Variants in CDH9 observed in about 807,000 individuals in gnomAD.
CDH9 encodes cadherin-9.
CDH9 carries 28 observed loss-of-function variants against 70.9 expected under a neutral mutation model. The ratio of observed to expected loss-of-function variants is 0.40; its 90% CI spans 0.29 to 0.54. The LOEUF (loss-of-function observed/expected upper bound fraction) is 0.54, where lower values mean the gene tolerates loss of function less well. Among genes scored for constraint, CDH9 ranks in the 20% least tolerant of loss-of-function variants. CDH9 has a pLI of 0.59. For missense variants in CDH9, 874 were observed against 984.4 expected (o/e 0.89, Z 1.50); for synonymous variants, 409 against 343.1 (o/e 1.19, Z -2.12).
intron 2 of CDH9, among the ~76,000 whole-genome samples, chr5:26,957,117 T>G (rs367919274): frequency 6.6e-6 from 1 of 151,732 alleles, no homozygotes; most frequent in African/African-American, 2.4e-5. Context: ...TATGATAGAA[T>G]ATACCCCTGA....
At chr5:26,964,186 CTGAT>C (rs1742088346) in intron 2 of CDH9, among the ~76,000 whole-genome samples, 1 of 151,696 alleles carries the variant, frequency 6.6e-6, no homozygotes, top group South Asian at 2.1e-4. Context: ...AGACTCTATG[CTGAT>C]TAATACACAC....
intron 1 of CDH9, among the ~76,000 whole-genome samples, chr5:27,036,010 T>C (rs1561048775): frequency 2.0e-5 from 3 of 151,814 alleles, no homozygotes; most frequent in Admixed American, 1.3e-4. Flanking sequence ...TCACCTTAAT[T>C]TATACTTTCT....
intron 2 of CDH9, among the ~76,000 whole-genome samples, chr5:26,975,782 A>G (rs1000473240): frequency 6.6e-6 from 1 of 152,232 alleles, no homozygotes; most frequent in Non-Finnish European, 1.5e-5. Flanking sequence ...TAAGCTTCTT[A>G]TAGCCTATAT....
Position 27,035,989 on chromosome 5 carries a change from A to T in CDH9, c.-50+2474T>A, listed in dbSNP as rs542497852. Among the ~76,000 whole-genome samples, 188 of 151,970 alleles carry T rather than the reference A, an allele frequency of 1.2e-3. 1 individual carries two copies. Among genetic ancestry groups the T allele is most frequent in the Middle Eastern group, 3.4e-3 (1 of 294 alleles). On this transcript the variant is annotated intron_variant, in intron 1 of 11. Coordinates refer to ENST00000231021, the MANE Select transcript of CDH9 (RefSeq NM_016279.4). ...TCATGACACATTCACACATATTTTTAAAATTAACTTTCACCTTAATTTATA... is the reference window on the plus strand; with the variant it reads ...TCATGACACATTCACACATATTTTTTAAATTAACTTTCACCTTAATTTATA...
At position 26,893,538 on chromosome 5, in the gene CDH9, G is replaced by A. The variant is rs559113142; in HGVS notation, c.1254-2974C>T. 4.7e-4 allele frequency among the ~76,000 whole-genome samples: 71 copies of A among 152,080 alleles called. 2 individuals carry two copies. The South Asian group carries it at 9.8e-3, about 21-fold the overall frequency. ...CACATGGTGTTATGAAAAGAATTTA[G>A]GCACTTAAAATACACTCATTTGACA... On this transcript the variant is annotated intron_variant, in intron 7 of 11. Transcript: ENST00000231021.
chr5:26,961,549 C>A (rs1365965027), intron 2 of CDH9, among the ~76,000 whole-genome samples: 3 of 152,218 alleles, frequency 2.0e-5, no homozygotes, highest in African/African-American at 7.2e-5. Context: ...AAGTCCTCTT[C>A]ATTAGCTAAA....
At chr5:27,017,432 A>AT (rs5866815) in intron 1 of CDH9, among the ~76,000 whole-genome samples, 78,943 of 151,476 alleles carry the variant, frequency 0.52, 22,060 homozygotes, top group African/African-American at 0.68. Flanking sequence ...GTCCACTGAA[A>AT]TTTTTTTTGG....
rs539160860 is a variant in CDH9, at chr5:26,906,854, A to C, written c.524-16T>G. On this transcript the variant is annotated splice_polypyrimidine_tract_variant and intron_variant, in intron 3 of 11. Transcript: ENST00000231021. ...ACAGATGTACCTACATGAAACCCCC[A>C]TCCCCAAACAGAGACATTTACATAC... The C allele has an allele frequency of 6.3e-7, 1 of 1,585,504 alleles. No individual in the cohort carries two copies. Among genetic ancestry groups the C allele is most frequent in the Non-Finnish European group, 8.6e-7 (1 of 1,162,690 alleles).
chr5:26,923,934 CTT>C (rs1194539644), intron 2 of CDH9, among the ~76,000 whole-genome samples: 1 of 151,858 alleles, frequency 6.6e-6, no homozygotes, highest in Non-Finnish European at 1.5e-5. Context: ...GCAATAAGCA[CTT>C]ATATCAAAAA....
At chr5:26,897,623 T>C (rs924397245) in intron 7 of CDH9, among the ~76,000 whole-genome samples, 23 of 152,132 alleles carry the variant, frequency 1.5e-4, no homozygotes, top group African/African-American at 5.3e-4. Flanking sequence ...CAACACCCTT[T>C]CATGCTATAA....
chr5:26,917,461 G>A (rs1382756115), intron 2 of CDH9, among the ~76,000 whole-genome samples: 1 of 151,968 alleles, frequency 6.6e-6, no homozygotes, highest in East Asian at 1.9e-4. Context: ...CCCCTGTTAT[G>A]TTGACTTACA....
intron 3 of CDH9, among the ~76,000 whole-genome samples, chr5:26,910,391 T>C (rs1480687134): frequency 6.6e-6 from 1 of 152,206 alleles, no homozygotes; most frequent in Non-Finnish European, 1.5e-5. Flanking sequence ...GGGGAAATAC[T>C]GCCTTTATTC....
intron 1 of CDH9, among the ~76,000 whole-genome samples, chr5:27,011,825 T>C (rs191672996): frequency 1.3e-5 from 2 of 152,142 alleles, no homozygotes; most frequent in East Asian, 3.9e-4. Context: ...TACTTAGTAG[T>C]TGTGTAACTT....
At chr5:26,900,137 T>C (rs1740828495) in intron 7 of CDH9, among the ~76,000 whole-genome samples, 1 of 151,982 alleles carries the variant, frequency 6.6e-6, no homozygotes, top group South Asian at 2.1e-4. Flanking sequence ...AAAACTTAGC[T>C]CATTAAATAA....
intron 2 of CDH9, among the ~76,000 whole-genome samples, chr5:26,966,491 T>A (rs997324128): frequency 6.6e-6 from 1 of 152,192 alleles, no homozygotes; most frequent in Non-Finnish European, 1.5e-5. Flanking sequence ...AAAAATACTT[T>A]ATTGGCATGG....
chr5:26,881,452 T>A lies in CDH9; in HGVS notation c.2054A>T (p.Asp685Val). The A allele has an allele frequency of 6.8e-6, 11 of 1,613,712 alleles. No homozygotes were observed. Among genetic ancestry groups the A allele is most frequent in the Non-Finnish European group, 8.5e-6 (10 of 1,179,700 alleles). Reference protein sequence around the residue: ...GTLRNPEAREDSKLRRDVMPE... With the variant: ...GTLRNPEAREVSKLRRDVMPE... ...CATTACATCCCGTCTAAGTTTACTGTCTTCTCTTGCCTCTGGATTCCTTAA... is the reference window on the plus strand; with the variant it reads ...CATTACATCCCGTCTAAGTTTACTGACTTCTCTTGCCTCTGGATTCCTTAA... Residue 685 changes from aspartate (D) to valine (V), a missense_variant, in exon 12 of 12, where the codon GAC becomes GTC. Transcript: ENST00000231021.
chr5:27,023,365 A>G (rs1743171406), intron 1 of CDH9, among the ~76,000 whole-genome samples: 1 of 152,072 alleles, frequency 6.6e-6, no homozygotes, highest in South Asian at 2.1e-4. Context: ...GCCAGGCCCA[A>G]CCACAGTAGT....
chr5:27,006,080 T>C (rs888852341), intron 1 of CDH9, among the ~76,000 whole-genome samples: 1 of 152,040 alleles, frequency 6.6e-6, no homozygotes, highest in African/African-American at 2.4e-5. Context: ...CTGGGCTTAA[T>C]ACCTGGGTGA....
At chr5:26,903,853 A>C in intron 5 of CDH9, 29 bp from the exon 6 acceptor site, 2 of 1,219,718 alleles carry the variant, frequency 1.6e-6, no homozygotes, top group Non-Finnish European at 2.3e-6. Flanking sequence ...CTGTTTTGAC[A>C]TTTCATCTTT....
Sources: allele counts gnomAD v4.1 joint callset (sites outside exome capture counted in the v4.1 genomes callset), GRCh38; gene constraint gnomAD v4.1.1; transcripts MANE v1.5; gene names NCBI Gene and HGNC (gene_info 2026-07-23, HGNC 2026-07-21).